HDDC2: variants seen among roughly 807,000 people sequenced by gnomAD.
HDDC2 encodes the protein HD domain containing 2.
In HDDC2, 25 loss-of-function variants were observed where a neutral mutation model predicts 25.5. The observed-to-expected ratio is 0.98, with a 90% CI of 0.72 to 1.37. HDDC2 has a LOEUF of 1.37. Among genes scored for constraint, HDDC2 ranks in the 40% most tolerant of loss-of-function variants. The pLI is 0.00. For missense variants in HDDC2, 264 were observed against 253.1 expected (o/e 1.04, Z -0.29); for synonymous variants, 106 against 89.7 (o/e 1.18, Z -1.03).
At chr6:125,300,880 TCA>T (rs1435498709) in intron 1 of HDDC2, among the ~76,000 whole-genome samples, 1 of 147,130 alleles carries the variant, frequency 6.8e-6, no homozygotes, top group Non-Finnish European at 1.5e-5. Context: ...GAGAGATAAG[TCA>T]CAAAGTCCAT....
chr6:125,287,603 T>G (rs1798559205), intron 4 of HDDC2, among the ~76,000 whole-genome samples: 1 of 152,186 alleles, frequency 6.6e-6, no homozygotes, highest in African/African-American at 2.4e-5. Flanking sequence ...CTGCTGGATT[T>G]ACATGTCTGG....
chr6:125,295,634 AATGTT>A (rs1353021773), intron 3 of HDDC2, among the ~76,000 whole-genome samples: 1 of 152,088 alleles, frequency 6.6e-6, no homozygotes, highest in Non-Finnish European at 1.5e-5. Context: ...GCACTCTATA[AATGTT>A]TGCTGTGTTT....
intron 3 of HDDC2, among the ~76,000 whole-genome samples, chr6:125,296,907 T>C (rs1327110084): frequency 6.6e-6 from 1 of 152,220 alleles, no homozygotes; most frequent in Non-Finnish European, 1.5e-5. Context: ...TGGTTCACAC[T>C]GACTGGTTCT....
chr6:125,290,372 C>T (rs1205709761), intron 4 of HDDC2, among the ~76,000 whole-genome samples: 3 of 152,082 alleles, frequency 2.0e-5, no homozygotes, highest in African/African-American at 7.2e-5. Flanking sequence ...AACAGGGGAG[C>T]CACTATTTGA....
chr6:125,282,304 C>T (rs1439477433), intron 4 of HDDC2, among the ~76,000 whole-genome samples: 1 of 151,108 alleles, frequency 6.6e-6, no homozygotes, highest in Non-Finnish European at 1.5e-5. Context: ...CGAGAGTATG[C>T]CATTGCACTC....
At chr6:125,294,548 T>C (rs1798677743) in intron 3 of HDDC2, among the ~76,000 whole-genome samples, 1 of 152,238 alleles carries the variant, frequency 6.6e-6, no homozygotes, top group Admixed American at 6.5e-5. Context: ...TCTTTATAGA[T>C]TCCTTTTCTC....
At chr6:125,299,349 C>T (rs1415771246) in intron 2 of HDDC2, among the ~76,000 whole-genome samples, 1 of 152,164 alleles carries the variant, frequency 6.6e-6, no homozygotes, top group Non-Finnish European at 1.5e-5. Context: ...CACCACTGCA[C>T]TCCAGCCTGG....
chr6:125,286,584 T>C (rs914958066), intron 4 of HDDC2, among the ~76,000 whole-genome samples: 3 of 152,248 alleles, frequency 2.0e-5, no homozygotes, highest in African/African-American at 7.2e-5. Context: ...AACTCTGTAG[T>C]ACTGAATTTG....
In HDDC2 at chr6:125,280,959, G is replaced by C. The variant is rs149516957; in HGVS notation, c.379-3719C>G. Reference sequence around the variant, plus strand: ...CAGACATCTCATACAGGAGAGCTCTGGCTAGCATCTAGGGGGTGCCCCTCT... The same window carrying C: ...CAGACATCTCATACAGGAGAGCTCTCGCTAGCATCTAGGGGGTGCCCCTCT... On this transcript the variant is annotated intron_variant, in intron 4 of 5. Transcript: ENST00000398153. 2.2e-3 allele frequency among the ~76,000 whole-genome samples: 342 copies of C among 152,310 alleles called. 6 individuals carry two copies. The East Asian group carries it at 0.039, about 18-fold the overall frequency.
At position 125,277,215 on chromosome 6, in the gene HDDC2, T is replaced by A. The variant is rs11537939; in HGVS notation, c.404A>T (p.Glu135Val). The change falls in exon 5 of 6, where the codon GAA becomes GTA. Residue 135 changes from glutamate (E) to valine (V), a missense_variant. Glu to Val is a moderately radical substitution (Grantham distance 121). Coordinates refer to ENST00000398153, the MANE Select transcript of HDDC2 (RefSeq NM_016063.3). ...WEEYETQSSA[E>V]AKFVKQLDQC... is the part of the protein sequence containing the mutation. ...GTCTAGCTGCTTCACAAATTTGGCT[T>A]CTGCACTAGATTGGGTCTCGTACTC... 6.2e-7 allele frequency: 1 copy of A among 1,614,034 alleles called. No individual in the cohort carries two copies. The highest frequency in any genetic ancestry group is 1.3e-5 in the African/African-American group (1 of 74,934).
At chr6:125,293,127 C>T (rs1798656124) in intron 3 of HDDC2, 1 of 621,916 alleles carries the variant, frequency 1.6e-6, no homozygotes, top group African/African-American at 1.8e-5. Context: ...CTTCGCTTAG[C>T]ACCTCTTTTG....
chr6:125,283,720 G>A (rs908676268), intron 4 of HDDC2, among the ~76,000 whole-genome samples: 1 of 152,110 alleles, frequency 6.6e-6, no homozygotes, highest in Non-Finnish European at 1.5e-5. Flanking sequence ...AATCAATATC[G>A]TGAAAATGGC....
rs759424156 is a variant in HDDC2, at chr6:125,276,121, G to A, written c.*25C>T. On this transcript the variant is annotated 3_prime_UTR_variant, in exon 6 of 6. Coordinates refer to ENST00000398153, the MANE Select transcript of HDDC2 (RefSeq NM_016063.3). Reference sequence around the variant, plus strand: ...AAATGGAAAAATAATGTTTGTTACAGGAGTGCAGCAATTTAGAGAGTGTCT... The same window carrying A: ...AAATGGAAAAATAATGTTTGTTACAAGAGTGCAGCAATTTAGAGAGTGTCT... The A allele has an allele frequency of 6.8e-7, 1 of 1,469,866 alleles. No homozygotes were observed. Among genetic ancestry groups the A allele is most frequent in the African/African-American group, 1.4e-5 (1 of 72,250 alleles). 91.1% of individuals were successfully genotyped at this position (1,469,866 alleles called of 1,614,324 possible).
chr6:125,300,264 A>G (rs1221569301), intron 2 of HDDC2: 4 of 389,268 alleles, frequency 1.0e-5, no homozygotes, highest in Non-Finnish European at 1.9e-5. Context: ...AATTTTAGAC[A>G]TAACACACTC....
At chr6:125,286,292 G>C (rs1215354852) in intron 4 of HDDC2, among the ~76,000 whole-genome samples, 1 of 152,106 alleles carries the variant, frequency 6.6e-6, no homozygotes, top group Non-Finnish European at 1.5e-5. Flanking sequence ...AGTGTGAAAT[G>C]GTGAAATGTT....
chr6:125,296,323 C>T (rs1562448623), intron 3 of HDDC2, among the ~76,000 whole-genome samples: 1 of 152,088 alleles, frequency 6.6e-6, no homozygotes, highest in Admixed American at 6.6e-5. Flanking sequence ...GGAACCAATA[C>T]CCCATAGATA....
Position 125,301,925 on chromosome 6 carries a change from G to A in HDDC2, c.8C>T (p.Ser3Leu), listed in dbSNP as rs1377141542. 1.3e-6 allele frequency: 2 copies of A among 1,549,448 alleles called. No homozygotes were observed. The highest frequency in any genetic ancestry group is 1.7e-4 in the Middle Eastern group (1 of 5,946). ...GCCCGAGAAGGTCGCAGAGGAGACC[G>A]AAGCCATGCGGCCACCGACCCCGGC... MA[S>L]VSSATFSGHG... Residue 3 changes from serine to leucine, a missense_variant, in exon 1 of 6, where the codon TCG (serine) becomes TTG (leucine). Ser to Leu is a moderately radical substitution (Grantham distance 145). Transcript: ENST00000398153.
In HDDC2 at chr6:125,298,699, A is replaced by G. The variant is rs369364280; in HGVS notation, c.309+15T>C. 733 of 1,600,796 alleles carry G rather than the reference A, an allele frequency of 4.6e-4. 9 individuals are homozygous for G. In the South Asian group the frequency reaches 7.8e-3, roughly 17 times the overall value. ...TTTCTGGTGGTTTTTTGCACAGTCAATAGTCAACACTGACCTCTTCTCGCC... is the reference window on the plus strand; with the variant it reads ...TTTCTGGTGGTTTTTTGCACAGTCAGTAGTCAACACTGACCTCTTCTCGCC... On this transcript the variant is annotated intron_variant, in intron 3 of 5. Transcript: ENST00000398153.
chr6:125,292,437 C>T (rs1017146965), intron 4 of HDDC2, among the ~76,000 whole-genome samples: 1 of 152,136 alleles, frequency 6.6e-6, no homozygotes, highest in Non-Finnish European at 1.5e-5. Flanking sequence ...TAGCAACCCT[C>T]CAGGGTCTTA....
Sources: allele counts gnomAD v4.1 joint callset (sites outside exome capture counted in the v4.1 genomes callset), GRCh38; gene constraint gnomAD v4.1.1; transcripts MANE v1.5; gene names NCBI Gene and HGNC (gene_info 2026-07-23, HGNC 2026-07-21).